The following ERGIC1 variants were observed in gnomAD, a reference collection of about 807,000 sequenced individuals.
The protein encoded by ERGIC1 is endoplasmic reticulum-Golgi intermediate compartment protein 1.
A neutral mutation model predicts 38.3 loss-of-function variants in ERGIC1; 19 were observed. The ratio of observed to expected loss-of-function variants is 0.50; its 90% CI spans 0.35 to 0.73. The LOEUF (loss-of-function observed/expected upper bound fraction) is 0.73, where lower values mean the gene tolerates loss of function less well. ERGIC1 is among the 30% of genes least tolerant of loss of function. The pLI, the probability that ERGIC1 is intolerant of heterozygous loss-of-function variation, is 0.01. For synonymous variants in ERGIC1, 124 were observed against 157.6 expected (o/e 0.79, Z 1.60); for missense variants, 294 against 389.2 (o/e 0.76, Z 2.06).
chr5:172,882,489 A>G (rs1762308872), intron 1 of ERGIC1, among the ~76,000 whole-genome samples: 1 of 152,166 alleles, frequency 6.6e-6, no homozygotes, highest in African/African-American at 2.4e-5. Flanking sequence ...GAGTACGGGC[A>G]GTGGAAGGAC....
At position 172,950,949 on chromosome 5, in the gene ERGIC1, G is replaced by C; in HGVS notation, c.*133G>C. The stretch of plus-strand genomic sequence containing the variant: ...AGGGTGTGTGGGAAGTGGGGGGAAA[G>C]TAGAGGATGGCTCGATGTTTTGCAG... On this transcript the variant is annotated 3_prime_UTR_variant, in exon 10 of 10. Transcript: ENST00000393784. The C allele has an allele frequency of 1.5e-6, 1 of 655,580 alleles. No individual in the cohort carries two copies. Among genetic ancestry groups the C allele is most frequent in the East Asian group, 3.1e-5 (1 of 31,990 alleles). The allele number at this position is 655,580 out of a possible 1,614,324, so 40.6% of individuals were successfully genotyped here.
intron 5 of ERGIC1, chr5:172,920,597 C>T: frequency 1.6e-6 from 1 of 613,634 alleles, no homozygotes; most frequent in East Asian, 2.8e-5. Flanking sequence ...TTCTTCAGCC[C>T]AGCATGTGCT....
chr5:172,911,355 G>A (rs1291407782), intron 4 of ERGIC1, among the ~76,000 whole-genome samples: 1 of 152,114 alleles, frequency 6.6e-6, no homozygotes, highest in Non-Finnish European at 1.5e-5. Context: ...AGGAGTGACT[G>A]TATCTCTGGA....
At chr5:172,922,837 A>G (rs1251541513) in intron 5 of ERGIC1, among the ~76,000 whole-genome samples, 1 of 152,180 alleles carries the variant, frequency 6.6e-6, no homozygotes, top group East Asian at 1.9e-4. Flanking sequence ...AAAGATCTTA[A>G]CAGTCATTAT....
chr5:172,929,676 G>C (rs1307360509), intron 7 of ERGIC1, among the ~76,000 whole-genome samples: 2 of 152,206 alleles, frequency 1.3e-5, no homozygotes. Flanking sequence ...AACCACGTCA[G>C]TGTCCAGCCA....
chr5:172,928,113 G>A (rs965294647), intron 7 of ERGIC1, among the ~76,000 whole-genome samples: 5 of 152,128 alleles, frequency 3.3e-5, no homozygotes, highest in African/African-American at 1.2e-4. Flanking sequence ...CATGTCATCC[G>A]ACGTCGGCCG....
rs868228376 is a variant in ERGIC1 at position 172,893,831 on chromosome 5, A to G, written c.83-3171A>G. ...TGCTGAGTGAGCAAAGCACGGTGGA[A>G]AAGAGTGTGCCCATTACGCTGCTGT... On this transcript the variant is annotated intron_variant, in intron 2 of 9. Transcript: ENST00000393784. Among the ~76,000 whole-genome samples, 87 of 142,074 alleles carry G rather than the reference A, an allele frequency of 6.1e-4. No individual in the cohort carries two copies. The Middle Eastern group carries it at 0.018, about 30-fold the overall frequency. The allele number at this position is 142,074 out of a possible 152,430, so 93.2% of individuals were successfully genotyped here.
intron 1 of ERGIC1, chr5:172,867,415 C>T (rs767767393): frequency 2.8e-5 from 11 of 394,380 alleles, no homozygotes; most frequent in Middle Eastern, 3.5e-4. Context: ...GGCTGCTGCC[C>T]GTAACTTTTC....
intron 1 of ERGIC1, among the ~76,000 whole-genome samples, chr5:172,873,112 C>T (rs987099246): frequency 1.4e-4 from 22 of 152,368 alleles, no homozygotes; most frequent in Non-Finnish European, 2.6e-4. Context: ...GTTTAAATGC[C>T]GTCTGTATTT....
chr5:172,866,258 G>A (rs982959866), intron 1 of ERGIC1, among the ~76,000 whole-genome samples: 2 of 152,194 alleles, frequency 1.3e-5, no homozygotes, highest in Non-Finnish European at 2.9e-5. Flanking sequence ...AGTGGGGAGA[G>A]AAGCGGAGGG....
intron 1 of ERGIC1, among the ~76,000 whole-genome samples, chr5:172,877,929 G>T (rs1762188273): frequency 6.6e-6 from 1 of 152,234 alleles, no homozygotes; most frequent in Non-Finnish European, 1.5e-5. Context: ...GCCAGCCTGG[G>T]GCTGGGCCGG....
intron 3 of ERGIC1, chr5:172,906,276 G>C (rs1763021152): frequency 2.4e-6 from 1 of 411,020 alleles, no homozygotes; most frequent in Non-Finnish European, 4.9e-6. Flanking sequence ...GGGCTGGGAG[G>C]CAGCCTGAGC....
intron 1 of ERGIC1, among the ~76,000 whole-genome samples, chr5:172,884,327 A>G (rs556806495): frequency 6.8e-6 from 1 of 146,780 alleles, no homozygotes; most frequent in East Asian, 2.0e-4. Context: ...CCATAGCATT[A>G]AACTCCTGGA....
chr5:172,933,194 T>C (rs1763813969), intron 8 of ERGIC1: 1 of 152,366 alleles, frequency 6.6e-6, no homozygotes, highest in Non-Finnish European at 1.5e-5. Context: ...TGCTAGACCC[T>C]GGCGGATGGG....
chr5:172,837,193 G>A lies in ERGIC1; in HGVS notation c.20+2760G>A, dbSNP rs181255856. ...ATAGTGCACTCTTGCCCTTCCCTACGGATACTTCTGATTTTCTTACTGCCT... is the reference window on the plus strand; with the variant it reads ...ATAGTGCACTCTTGCCCTTCCCTACAGATACTTCTGATTTTCTTACTGCCT... On this transcript the variant is annotated intron_variant, in intron 1 of 9. Coordinates refer to ENST00000393784, the MANE Select transcript of ERGIC1 (RefSeq NM_001031711.3). The surrounding 1 kb of genome is among the most constrained non-coding windows in gnomAD (Gnocchi z 4.3). 1.1e-3 allele frequency among the ~76,000 whole-genome samples: 173 copies of A among 152,230 alleles called. No homozygotes were observed. Among genetic ancestry groups the A allele is most frequent in the South Asian group, 4.1e-3 (20 of 4,826 alleles).
chr5:172,885,940 C>T (rs999548912), intron 1 of ERGIC1, among the ~76,000 whole-genome samples: 1 of 152,164 alleles, frequency 6.6e-6, no homozygotes, highest in African/African-American at 2.4e-5. Flanking sequence ...TAAAATTCCA[C>T]ATTTTTGGCT....
chr5:172,933,378 C>G (rs929734122), intron 8 of ERGIC1: 1 of 152,254 alleles, frequency 6.6e-6, no homozygotes, highest in Admixed American at 6.5e-5. Context: ...CTTCCGTCTT[C>G]TCAATCATCA....
chr5:172,941,631 A>T (rs1443274576), intron 9 of ERGIC1, among the ~76,000 whole-genome samples: 2 of 152,206 alleles, frequency 1.3e-5, no homozygotes, highest in Non-Finnish European at 2.9e-5. Context: ...TCTTGGTAGG[A>T]CAGACATCAG....
At chr5:172,931,332 C>G (rs940078203) in intron 7 of ERGIC1, 5 of 152,230 alleles carry the variant, frequency 3.3e-5, no homozygotes, top group Non-Finnish European at 7.3e-5. Context: ...GCAGCTGATT[C>G]ATCTGTGCTT....
Sources: gnomAD v4.1 joint callset for allele counts (sites outside exome capture counted in the v4.1 genomes callset) on GRCh38, gnomAD v4.1.1 for gene constraint, Gnocchi (gnomAD v3.1) non-coding constraint, MANE v1.5 for transcripts, NCBI Gene and HGNC (gene_info 2026-07-23, HGNC 2026-07-21) for gene names.